The following PRKCE variants were observed in gnomAD, a reference collection of about 807,000 sequenced individuals.
PRKCE encodes protein kinase C epsilon, also known as protein kinase C epsilon type.
PRKCE carries 16 observed loss-of-function variants against 85.4 expected under a neutral mutation model. The ratio of observed to expected loss-of-function variants is 0.19; its 90% CI spans 0.13 to 0.28. PRKCE has a LOEUF of 0.28. Among genes scored for constraint, PRKCE ranks in the 10% least tolerant of loss-of-function variants. The pLI is 1.00. For missense variants in PRKCE, 573 were observed against 975.2 expected, an observed-to-expected ratio of 0.59 and a Z score of 5.49; for synonymous variants, 388 against 371.5, an observed-to-expected ratio of 1.04 and a Z score of -0.51.
intron 1 of PRKCE, among the ~76,000 whole-genome samples, chr2:45,757,027 G>A (rs980975822): frequency 1.3e-5 from 2 of 151,952 alleles, no homozygotes; most frequent in Non-Finnish European, 2.9e-5. Context: ...GAGGCGGGTG[G>A]ATCACTTGAG....
intron 1 of PRKCE, among the ~76,000 whole-genome samples, chr2:45,690,046 A>G (rs1677608998): frequency 6.6e-6 from 1 of 152,226 alleles, no homozygotes; most frequent in African/African-American, 2.4e-5. Flanking sequence ...ACAAACAGGA[A>G]AATCATGCAC....
intron 11 of PRKCE, among the ~76,000 whole-genome samples, chr2:46,089,890 C>T (rs1669999119): frequency 6.6e-6 from 1 of 152,206 alleles, no homozygotes; most frequent in Non-Finnish European, 1.5e-5. Context: ...TTGCCTCTCA[C>T]TTCTCTGAGA....
intron 1 of PRKCE, among the ~76,000 whole-genome samples, chr2:45,725,675 A>T (rs1222269622): frequency 6.6e-6 from 1 of 152,142 alleles, no homozygotes; most frequent in Non-Finnish European, 1.5e-5. Flanking sequence ...CACTAAAAAT[A>T]TAAAAATTAG....
intron 1 of PRKCE, among the ~76,000 whole-genome samples, chr2:45,729,384 T>C (rs1681366077): frequency 6.6e-6 from 1 of 152,164 alleles, no homozygotes; most frequent in Non-Finnish European, 1.5e-5. Context: ...CTCTTTATTA[T>C]CAAAGGGTGT....
intron 10 of PRKCE, among the ~76,000 whole-genome samples, chr2:46,044,221 A>G (rs115093295): frequency 0.022 from 3,376 of 152,346 alleles, 43 homozygotes; most frequent in Middle Eastern, 0.048. Flanking sequence ...TGTTTGTTGA[A>G]TGAATGAATG....
At chr2:46,161,587 T>A (rs904999291) in intron 14 of PRKCE, among the ~76,000 whole-genome samples, 43 of 150,734 alleles carry the variant, frequency 2.9e-4, no homozygotes, top group African/African-American at 9.3e-4. Context: ...TGGGGAAGAG[T>A]GGGGAGGACA....
At chr2:45,812,199 C>T (rs901956704) in intron 1 of PRKCE, among the ~76,000 whole-genome samples, 1 of 152,208 alleles carries the variant, frequency 6.6e-6, no homozygotes, top group Non-Finnish European at 1.5e-5. Flanking sequence ...GGATCATTTT[C>T]AAGATTTATG....
At chr2:45,711,253 G>A (rs971486065) in intron 1 of PRKCE, among the ~76,000 whole-genome samples, 1 of 152,208 alleles carries the variant, frequency 6.6e-6, no homozygotes, top group Non-Finnish European at 1.5e-5. Context: ...ATTATTGTGA[G>A]GACCAGAGTA....
chr2:45,672,138 C>T (rs927946837), intron 1 of PRKCE, among the ~76,000 whole-genome samples: 18 of 151,950 alleles, frequency 1.2e-4, no homozygotes, highest in Non-Finnish European at 2.4e-4. Flanking sequence ...AACAGGTTTC[C>T]TGATTCCTAG....
At chr2:45,798,997 C>A (rs1687651737) in intron 1 of PRKCE, among the ~76,000 whole-genome samples, 1 of 151,910 alleles carries the variant, frequency 6.6e-6, no homozygotes, top group African/African-American at 2.4e-5. Flanking sequence ...GAAACCCCGT[C>A]TCTACTAAAA....
intron 1 of PRKCE, among the ~76,000 whole-genome samples, chr2:45,809,336 G>A (rs1204004524): frequency 6.6e-6 from 1 of 152,092 alleles, no homozygotes; most frequent in Non-Finnish European, 1.5e-5. Context: ...TGATACTAAT[G>A]GCCACCTAGA....
rs374329162 is a variant in PRKCE at position 45,895,996 on chromosome 2, A to T, written c.412+52933A>T. On this transcript the variant is annotated intron_variant, in intron 2 of 14. Transcript: ENST00000306156. This position sits in a 1 kb window ranked among gnomAD's most constrained non-coding sequence, Gnocchi z 4.8. ...TCAGGTAGAGCGTGGGCACTGCACAATGGTTGTCCTGGATGCGCAGGAGTG... is the reference window on the plus strand; with the variant it reads ...TCAGGTAGAGCGTGGGCACTGCACATTGGTTGTCCTGGATGCGCAGGAGTG... Among the ~76,000 whole-genome samples, 4 of 152,162 alleles carry T rather than the reference A, an allele frequency of 2.6e-5. No homozygotes were observed. The highest frequency in any genetic ancestry group is 5.9e-5 in the Non-Finnish European group (4 of 68,010).
At chr2:45,958,233 G>A (rs1456780605) in intron 2 of PRKCE, among the ~76,000 whole-genome samples, 1 of 149,788 alleles carries the variant, frequency 6.7e-6, no homozygotes, top group East Asian at 2.0e-4. Context: ...AATTGGGCCA[G>A]GCATGGTGGC....
At chr2:46,046,336 G>C (rs1708520767) in intron 10 of PRKCE, among the ~76,000 whole-genome samples, 1 of 152,152 alleles carries the variant, frequency 6.6e-6, no homozygotes, top group African/African-American at 2.4e-5. Context: ...CTACCTCTAG[G>C]GCTAGAGATC....
intron 1 of PRKCE, among the ~76,000 whole-genome samples, chr2:45,806,654 G>C (rs375018237): frequency 6.6e-6 from 1 of 152,276 alleles, no homozygotes; most frequent in Non-Finnish European, 1.5e-5. Context: ...GACTACTGTA[G>C]GACCTCGTGT....
At chr2:45,847,693 C>T (rs1295850104) in intron 2 of PRKCE, among the ~76,000 whole-genome samples, 1 of 152,326 alleles carries the variant, frequency 6.6e-6, no homozygotes, top group African/African-American at 2.4e-5. Flanking sequence ...ATTCATGGCC[C>T]CAGTAATGAG....
chr2:46,181,843 A>G (rs924477051), intron 14 of PRKCE, among the ~76,000 whole-genome samples: 11 of 152,148 alleles, frequency 7.2e-5, no homozygotes, highest in Admixed American at 3.3e-4. Flanking sequence ...AATCCCGGTC[A>G]CTATATCATA....
intron 2 of PRKCE, among the ~76,000 whole-genome samples, chr2:45,975,452 A>G (rs956761321): frequency 6.6e-6 from 1 of 152,098 alleles, no homozygotes; most frequent in Admixed American, 6.6e-5. Flanking sequence ...CCTTGCTCAC[A>G]TGACAGAGAG....
chr2:45,838,979 A>G (rs181988128), intron 1 of PRKCE, among the ~76,000 whole-genome samples: 48 of 152,266 alleles, frequency 3.2e-4, no homozygotes, highest in Non-Finnish European at 5.3e-4. Context: ...AGCACTGTGC[A>G]TAGATTATCT....
Sources: gnomAD v4.1 joint callset for allele counts (sites outside exome capture counted in the v4.1 genomes callset) on GRCh38, gnomAD v4.1.1 for gene constraint, Gnocchi (gnomAD v3.1) non-coding constraint, MANE v1.5 for transcripts, NCBI Gene and HGNC (gene_info 2026-07-23, HGNC 2026-07-21) for gene names.